Variants in PLA2G7 observed in about 807,000 individuals in gnomAD.
PLA2G7 encodes the protein phospholipase A2 group VII, also known as platelet-activating factor acetylhydrolase.
PLA2G7 carries 63 observed loss-of-function variants against 49.6 expected under a neutral mutation model. That is an observed-to-expected ratio of 1.27 (90% confidence interval 1.04 to 1.57). The LOEUF (loss-of-function observed/expected upper bound fraction) is 1.57, where lower values mean the gene tolerates loss of function less well. Among genes scored for constraint, PLA2G7 ranks in the 40% most tolerant of loss-of-function variants. The probability of loss-of-function intolerance (pLI) is 0.00; values close to 1 mark genes in which losing one functional copy is unlikely to be tolerated. For missense variants in PLA2G7, 596 were observed against 521.2 expected, an observed-to-expected ratio of 1.14 and a Z score of -1.40; for synonymous variants, 193 against 169.9, an observed-to-expected ratio of 1.14 and a Z score of -1.06.
At chr6:46,726,639 C>T (rs1765582936) in intron 1 of PLA2G7, among the ~76,000 whole-genome samples, 2 of 151,812 alleles carry the variant, frequency 1.3e-5, no homozygotes, top group African/African-American at 2.4e-5. Flanking sequence ...CTGGTCAATA[C>T]AAAAACACAA....
chr6:46,709,560 T>C (rs570212039), intron 8 of PLA2G7, 142 bp from the exon 9 acceptor site: 142 of 641,236 alleles, frequency 2.2e-4, no homozygotes, highest in Middle Eastern at 3.8e-4. Flanking sequence ...TATACACACA[T>C]ACATTTATAC....
At chr6:46,714,854 G>T (rs1167987100) in intron 4 of PLA2G7, among the ~76,000 whole-genome samples, 2 of 150,678 alleles carry the variant, frequency 1.3e-5, no homozygotes, top group African/African-American at 2.4e-5. Context: ...TCCTGCCTCA[G>T]CCTCCCGATT....
intron 8 of PLA2G7, among the ~76,000 whole-genome samples, chr6:46,710,298 T>A (rs1398657682): frequency 2.0e-5 from 3 of 152,186 alleles, no homozygotes; most frequent in Non-Finnish European, 4.4e-5. Context: ...TTGAACCATA[T>A]GACATTGCTG....
intron 9 of PLA2G7, 102 bp downstream of exon 9, chr6:46,709,225 A>T: frequency 1.3e-6 from 1 of 740,768 alleles, no homozygotes; most frequent in Non-Finnish European, 2.4e-6. Context: ...AAACTCCAAG[A>T]GATCCCTTCT....
At chr6:46,732,914 T>A (rs1765780398) in intron 1 of PLA2G7, among the ~76,000 whole-genome samples, 1 of 152,232 alleles carries the variant, frequency 6.6e-6, no homozygotes, top group Non-Finnish European at 1.5e-5. Context: ...TCTTCAATGC[T>A]TTTATTTTAT....
chr6:46,733,182 G>C (rs1243872858), intron 1 of PLA2G7, among the ~76,000 whole-genome samples: 1 of 152,196 alleles, frequency 6.6e-6, no homozygotes, highest in Non-Finnish European at 1.5e-5. Context: ...GCTTCAAAGA[G>C]TGTGGTAAGT....
intron 1 of PLA2G7, among the ~76,000 whole-genome samples, chr6:46,734,462 G>C (rs55994635): frequency 7.0e-5 from 9 of 128,142 alleles, no homozygotes; most frequent in African/African-American, 1.8e-4. Flanking sequence ...GAGAGAGAGA[G>C]AGAGAGAGAG....
At chr6:46,727,004 A>G (rs979501996) in intron 1 of PLA2G7, among the ~76,000 whole-genome samples, 1 of 152,172 alleles carries the variant, frequency 6.6e-6, no homozygotes, top group African/African-American at 2.4e-5. Flanking sequence ...CCTGAAAATA[A>G]CTATCTTCAA....
intron 1 of PLA2G7, among the ~76,000 whole-genome samples, chr6:46,724,635 A>G (rs1765517109): frequency 6.6e-6 from 1 of 152,228 alleles, no homozygotes; most frequent in Non-Finnish European, 1.5e-5. Flanking sequence ...GTCGTCTGCA[A>G]CAGAGTCACT....
chr6:46,706,054 C>A (rs1764814795), intron 10 of PLA2G7, among the ~76,000 whole-genome samples: 1 of 152,204 alleles, frequency 6.6e-6, no homozygotes, highest in African/African-American at 2.4e-5. Context: ...ACTCTTTTCT[C>A]ACTTTGCAAT....
chr6:46,707,726 A>G (rs1764873355), intron 10 of PLA2G7, among the ~76,000 whole-genome samples: 1 of 152,198 alleles, frequency 6.6e-6, no homozygotes. Flanking sequence ...TCTTTTCTTT[A>G]TAAATTACCC....
At chr6:46,731,485 A>G (rs1391579758) in intron 1 of PLA2G7, among the ~76,000 whole-genome samples, 1 of 152,192 alleles carries the variant, frequency 6.6e-6, no homozygotes, top group Non-Finnish European at 1.5e-5. Context: ...TTGAATTTTT[A>G]TCTGACCATA....
intron 6 of PLA2G7, 83 bp downstream of exon 6, chr6:46,712,186 T>C: frequency 1.1e-6 from 1 of 925,594 alleles, no homozygotes; most frequent in South Asian, 1.3e-5. Context: ...TTAAATAAAC[T>C]TTTATGAAAA....
At chr6:46,713,751 AT>A (rs1765108835) in intron 5 of PLA2G7, among the ~76,000 whole-genome samples, 1 of 152,226 alleles carries the variant, frequency 6.6e-6, no homozygotes, top group African/African-American at 2.4e-5. Flanking sequence ...CTCAGCTATC[AT>A]GCTACAGACT....
At position 46,714,481 on chromosome 6, in the gene PLA2G7, G is replaced by GA. The variant is rs1306194358; in HGVS notation, c.448dup (p.Ser150PhefsTer17). The stretch of plus-strand genomic sequence containing the variant: ...TTACCTGAATGCCCCAAGACCATGA[G>GA]AAAAAACAACAAGTGGATATTTTTC... On this transcript the variant is annotated frameshift_variant, in exon 5 of 12. Coordinates refer to ENST00000274793, the MANE Select transcript of PLA2G7 (RefSeq NM_005084.4). LOFTEE classifies it high-confidence loss of function. The GA allele has an allele frequency of 1.9e-6, 3 of 1,611,814 alleles. No homozygotes were observed. The highest frequency in any genetic ancestry group is 1.7e-5 in the Admixed American group (1 of 59,988).
intron 2 of PLA2G7, among the ~76,000 whole-genome samples, chr6:46,720,286 G>A (rs45622443): frequency 0.04 from 6,129 of 152,308 alleles, 414 homozygotes; most frequent in African/African-American, 0.14. Context: ...ACAAGCCTCC[G>A]CTTGTGAGAT....
intron 1 of PLA2G7, among the ~76,000 whole-genome samples, chr6:46,731,988 C>A (rs1394562443): frequency 6.6e-6 from 1 of 152,168 alleles, no homozygotes; most frequent in Non-Finnish European, 1.5e-5. Flanking sequence ...CACATAGCAC[C>A]CAGAGTCATC....
chr6:46,716,842 A>G (rs1412905058), intron 3 of PLA2G7, 133 bp downstream of exon 3: 3 of 902,302 alleles, frequency 3.3e-6, no homozygotes, highest in Non-Finnish European at 5.5e-6. Context: ...AAAAGCCTTC[A>G]TATGAAACAA....
chr6:46,730,498 C>T (rs1254034089), intron 1 of PLA2G7, among the ~76,000 whole-genome samples: 1 of 152,020 alleles, frequency 6.6e-6, no homozygotes, highest in African/African-American at 2.4e-5. Flanking sequence ...CTACAAGGGC[C>T]AGACAGGTAA....
Sources: gnomAD v4.1 joint callset for allele counts (sites outside exome capture counted in the v4.1 genomes callset) on GRCh38, gnomAD v4.1.1 for gene constraint, MANE v1.5 for transcripts, NCBI Gene and HGNC (gene_info 2026-07-23, HGNC 2026-07-21) for gene names.